Variants in LARS2 observed in about 807,000 individuals in gnomAD.
LARS2 encodes the protein leucyl-tRNA synthetase 2, mitochondrial, also known as leucine--tRNA ligase, mitochondrial.
A neutral mutation model predicts 116.6 loss-of-function variants in LARS2; 81 were observed. The observed-to-expected ratio is 0.69, with a 90% CI of 0.58 to 0.84. LARS2 has a LOEUF of 0.84. LARS2 is among the 40% of genes least tolerant of loss of function. The pLI is 0.00. For synonymous variants in LARS2, 396 were observed against 407.2 expected (o/e 0.97, Z 0.33); for missense variants, 968 against 1,114.5 (o/e 0.87, Z 1.87).
At chr3:45,459,999 A>G (rs1287719352) in intron 8 of LARS2, among the ~76,000 whole-genome samples, 1 of 152,222 alleles carries the variant, frequency 6.6e-6, no homozygotes, top group East Asian at 1.9e-4. Context: ...TTGTTCTTAC[A>G]TACAAAGAAA....
intron 21 of LARS2, among the ~76,000 whole-genome samples, chr3:45,542,355 G>A (rs2125771847): frequency 6.6e-6 from 1 of 152,282 alleles, no homozygotes; most frequent in Non-Finnish European, 1.5e-5. Context: ...TGGCTATGGA[G>A]TAATACCTGT....
At chr3:45,531,680 A>C (rs1227843439) in intron 20 of LARS2, among the ~76,000 whole-genome samples, 1 of 152,150 alleles carries the variant, frequency 6.6e-6, no homozygotes, top group African/African-American at 2.4e-5. Context: ...CACTGCACCC[A>C]GCCTACTGTC....
intron 10 of LARS2, among the ~76,000 whole-genome samples, chr3:45,480,417 G>A (rs1178172935): frequency 6.6e-6 from 1 of 152,260 alleles, no homozygotes; most frequent in Non-Finnish European, 1.5e-5. Context: ...TCCAGAGGGT[G>A]TGAGAGACCT....
chr3:45,436,278 A>G (rs1365591016), intron 6 of LARS2, among the ~76,000 whole-genome samples: 3 of 152,094 alleles, frequency 2.0e-5, no homozygotes, highest in Non-Finnish European at 1.5e-5. Flanking sequence ...AACATCTTCC[A>G]GATGATTCTG....
intron 21 of LARS2, among the ~76,000 whole-genome samples, chr3:45,543,295 AT>A (rs1231512033): frequency 6.6e-6 from 1 of 151,736 alleles, no homozygotes; most frequent in Non-Finnish European, 1.5e-5. Context: ...CATGGAGGAA[AT>A]TTCTTTTTTT....
chr3:45,474,397 T>G, intron 9 of LARS2, 47 bp downstream of exon 9: 2 of 1,283,920 alleles, frequency 1.6e-6, no homozygotes, highest in Non-Finnish European at 2.2e-6. Context: ...ACAAATCTCC[T>G]CTACATTTGG....
chr3:45,409,235 C>T (rs1698286176), intron 4 of LARS2, among the ~76,000 whole-genome samples: 1 of 151,766 alleles, frequency 6.6e-6, no homozygotes, highest in South Asian at 2.1e-4. Context: ...GCCTAGTTAG[C>T]ACATGTGAGC....
rs748018188 is a variant in LARS2 at position 45,502,726 on chromosome 3, A to G, written c.1760+2147A>G. Among the ~76,000 whole-genome samples, 16 of 152,014 alleles carry G rather than the reference A, an allele frequency of 1.1e-4. 1 individual carries two copies. The highest frequency in any genetic ancestry group is 2.2e-4 in the Non-Finnish European group (15 of 67,966). Reference sequence around the variant, plus strand: ...GTGCCCAGCCAATTTCTTTATAGCTATCTTCCAGTTTCTAATTGTCTCTCT... The same window carrying G: ...GTGCCCAGCCAATTTCTTTATAGCTGTCTTCCAGTTTCTAATTGTCTCTCT... On this transcript the variant is annotated intron_variant, in intron 15 of 21. Transcript: ENST00000645846.
At chr3:45,475,357 T>A (rs1175631615) in intron 9 of LARS2, among the ~76,000 whole-genome samples, 1 of 151,960 alleles carries the variant, frequency 6.6e-6, no homozygotes, top group Non-Finnish European at 1.5e-5. Context: ...CATAAGGGAG[T>A]GTGTACTTTG....
At chr3:45,438,244 A>T (rs529177354) in intron 6 of LARS2, among the ~76,000 whole-genome samples, 2 of 152,100 alleles carry the variant, frequency 1.3e-5, no homozygotes, top group Non-Finnish European at 2.9e-5. Context: ...CAGTTCACTC[A>T]TGTTGCTTGA....
intron 9 of LARS2, among the ~76,000 whole-genome samples, chr3:45,476,258 A>T (rs985911300): frequency 1.3e-5 from 2 of 152,132 alleles, no homozygotes; most frequent in Non-Finnish European, 2.9e-5. Context: ...GTGTGGGGCA[A>T]GTGGTAGGGG....
At chr3:45,423,155 A>AT (rs1698541168) in intron 6 of LARS2, among the ~76,000 whole-genome samples, 1 of 152,218 alleles carries the variant, frequency 6.6e-6, no homozygotes, top group African/African-American at 2.4e-5. Flanking sequence ...TTGTATCAAC[A>AT]TAAAAAATAG....
chr3:45,430,807 G>A (rs1331789909), intron 6 of LARS2, among the ~76,000 whole-genome samples: 2 of 150,458 alleles, frequency 1.3e-5, no homozygotes, highest in African/African-American at 2.5e-5. Context: ...GGATGGTCTC[G>A]ATCCCCTGAC....
intron 12 of LARS2, among the ~76,000 whole-genome samples, chr3:45,490,173 A>T (rs1699890478): frequency 2.0e-5 from 3 of 151,988 alleles, no homozygotes; most frequent in Admixed American, 2.0e-4. Flanking sequence ...CTTTTTTTAG[A>T]CCTTGTTTGA....
intron 7 of LARS2, among the ~76,000 whole-genome samples, chr3:45,453,755 G>C (rs1699172362): frequency 6.6e-6 from 1 of 151,988 alleles, no homozygotes; most frequent in Non-Finnish European, 1.5e-5. Flanking sequence ...TGTCAAGAAA[G>C]AAGCTAATAG....
intron 20 of LARS2, among the ~76,000 whole-genome samples, chr3:45,532,428 T>G (rs1214111740): frequency 1.3e-5 from 2 of 152,252 alleles, no homozygotes; most frequent in Admixed American, 1.3e-4. Context: ...TATTGAGATA[T>G]CCTCAGATAA....
At chr3:45,537,987 C>A (rs193055245) in intron 20 of LARS2, among the ~76,000 whole-genome samples, 1 of 152,246 alleles carries the variant, frequency 6.6e-6, no homozygotes, top group Non-Finnish European at 1.5e-5. Flanking sequence ...CACTTCCCAG[C>A]CTGTGTTTAG....
chr3:45,493,649 T>A (rs1699962480), intron 13 of LARS2, among the ~76,000 whole-genome samples: 1 of 152,218 alleles, frequency 6.6e-6, no homozygotes, highest in Non-Finnish European at 1.5e-5. Flanking sequence ...ATAATACTTC[T>A]GCGGTACTTG....
intron 14 of LARS2, among the ~76,000 whole-genome samples, chr3:45,497,923 A>G (rs1235919804): frequency 2.0e-5 from 3 of 152,134 alleles, no homozygotes; most frequent in Admixed American, 6.5e-5. Flanking sequence ...AAAAAAAGAA[A>G]AAAAAGAAAT....
Sources: gnomAD v4.1 joint callset for allele counts (sites outside exome capture counted in the v4.1 genomes callset) on GRCh38, gnomAD v4.1.1 for gene constraint, MANE v1.5 for transcripts, NCBI Gene and HGNC (gene_info 2026-07-23, HGNC 2026-07-21) for gene names.